The following RABGAP1L variants were observed in gnomAD, a reference collection of about 807,000 sequenced individuals.
RABGAP1L encodes rab GTPase-activating protein 1-like.
A neutral mutation model predicts 137.7 loss-of-function variants in RABGAP1L; 63 were observed. That is an observed-to-expected ratio of 0.46 (90% confidence interval 0.37 to 0.56). The LOEUF (loss-of-function observed/expected upper bound fraction) is 0.56, where lower values mean the gene tolerates loss of function less well. Among genes scored for constraint, RABGAP1L ranks in the 20% least tolerant of loss-of-function variants. The pLI, the probability that RABGAP1L is intolerant of heterozygous loss-of-function variation, is 0.00. For synonymous variants in RABGAP1L, 431 were observed against 433.7 expected (o/e 0.99, Z 0.08); for missense variants, 1,095 against 1,244.0 (o/e 0.88, Z 1.80).
At chr1:174,168,455 C>T (rs769563883) in intron 1 of RABGAP1L, among the ~76,000 whole-genome samples, 11 of 151,704 alleles carry the variant, frequency 7.3e-5, no homozygotes, top group Admixed American at 1.3e-4. Flanking sequence ...TTTATTATTG[C>T]TTTTTTCCAT....
intron 13 of RABGAP1L, among the ~76,000 whole-genome samples, chr1:174,413,455 A>G (rs1170089573): frequency 6.6e-6 from 1 of 151,952 alleles, no homozygotes; most frequent in African/African-American, 2.4e-5. Flanking sequence ...ATGAGTTTCC[A>G]TTTTAGTTGG....
chr1:174,881,607 C>T (rs1654230008), intron 19 of RABGAP1L, among the ~76,000 whole-genome samples: 1 of 140,858 alleles, frequency 7.1e-6, no homozygotes, highest in Non-Finnish European at 1.5e-5. Flanking sequence ...TCAAGCAATT[C>T]TTCTGCTTAA....
At chr1:174,369,965 A>G (rs1311734060) in intron 11 of RABGAP1L, among the ~76,000 whole-genome samples, 1 of 152,172 alleles carries the variant, frequency 6.6e-6, no homozygotes, top group East Asian at 1.9e-4. Flanking sequence ...CTGTGACCTA[A>G]TGTTTTAACC....
intron 13 of RABGAP1L, among the ~76,000 whole-genome samples, chr1:174,560,543 C>G (rs995385192): frequency 6.6e-6 from 1 of 152,178 alleles, no homozygotes; most frequent in Non-Finnish European, 1.5e-5. Flanking sequence ...GATGGAGAAC[C>G]ACTACTTTAT....
chr1:174,892,337 G>A, intron 19 of RABGAP1L: 2 of 350,264 alleles, frequency 5.7e-6, no homozygotes, highest in Non-Finnish European at 1.1e-5. Context: ...AAAGTCTAGT[G>A]GGAAGGAACC....
At chr1:174,939,797 T>C (rs1473523107) in intron 19 of RABGAP1L, among the ~76,000 whole-genome samples, 1 of 152,234 alleles carries the variant, frequency 6.6e-6, no homozygotes, top group Non-Finnish European at 1.5e-5. Context: ...TTTTTCCACT[T>C]ATCAGCTCTG....
intron 13 of RABGAP1L, among the ~76,000 whole-genome samples, chr1:174,559,193 T>C (rs888658173): frequency 6.6e-6 from 1 of 152,250 alleles, no homozygotes; most frequent in African/African-American, 2.4e-5. Flanking sequence ...AATATGTTTT[T>C]GAAATAGGTA....
chr1:174,237,013 C>G (rs1476906973), intron 4 of RABGAP1L, among the ~76,000 whole-genome samples: 1 of 119,670 alleles, frequency 8.4e-6, no homozygotes, highest in South Asian at 3.0e-4. Flanking sequence ...GATCCCTTTA[C>G]CATTATGTAA....
chr1:174,252,962 AAT>A (rs1672833698), intron 7 of RABGAP1L, among the ~76,000 whole-genome samples: 1 of 152,194 alleles, frequency 6.6e-6, no homozygotes, highest in Admixed American at 6.5e-5. Context: ...ATATTTTTAA[AAT>A]ATATAAATAC....
intron 13 of RABGAP1L, chr1:174,548,414 A>G (rs538782793): frequency 2.1e-6 from 2 of 972,060 alleles, no homozygotes; most frequent in East Asian, 8.9e-5. Flanking sequence ...ATAATGAAGA[A>G]ACTCTGAACT....
intron 18 of RABGAP1L, among the ~76,000 whole-genome samples, chr1:174,783,431 A>G (rs1313391472): frequency 1.3e-5 from 2 of 152,062 alleles, no homozygotes; most frequent in East Asian, 3.9e-4. Flanking sequence ...CTCTAAGAAC[A>G]AAGACCCACC....
At chr1:174,590,301 C>A (rs1468524937) in intron 13 of RABGAP1L, among the ~76,000 whole-genome samples, 1 of 148,058 alleles carries the variant, frequency 6.8e-6, no homozygotes, top group Admixed American at 6.7e-5. Flanking sequence ...TTTTTTAATA[C>A]CTCCTTTGTT....
At chr1:174,435,569 G>A (rs1368641603) in intron 13 of RABGAP1L, among the ~76,000 whole-genome samples, 1 of 152,042 alleles carries the variant, frequency 6.6e-6, no homozygotes, top group Non-Finnish European at 1.5e-5. Flanking sequence ...TTGAAATTCA[G>A]TTGACCATAT....
intron 13 of RABGAP1L, among the ~76,000 whole-genome samples, chr1:174,427,108 A>G (rs1571750214): frequency 6.6e-6 from 1 of 151,580 alleles, no homozygotes; most frequent in Non-Finnish European, 1.5e-5. Flanking sequence ...ATAAACCTCT[A>G]TGAAACCTCT....
At chr1:174,701,836 A>G (rs1441314558) in intron 16 of RABGAP1L, among the ~76,000 whole-genome samples, 1 of 152,164 alleles carries the variant, frequency 6.6e-6, no homozygotes, top group East Asian at 1.9e-4. Context: ...GCTCTGGTAG[A>G]ATGAGAATTT....
At chr1:174,267,733 T>G (rs889020336) in intron 7 of RABGAP1L, among the ~76,000 whole-genome samples, 3 of 152,204 alleles carry the variant, frequency 2.0e-5, no homozygotes, top group Admixed American at 2.0e-4. Flanking sequence ...TACTTTAATT[T>G]TTGTGCTTCA....
intron 1 of RABGAP1L, among the ~76,000 whole-genome samples, chr1:174,169,445 C>G (rs909075876): frequency 5.9e-5 from 9 of 152,128 alleles, no homozygotes; most frequent in Admixed American, 4.6e-4. Flanking sequence ...TGGTCTCAAA[C>G]TCCTGAACTC....
chr1:174,248,133 A>G (rs561816454), intron 5 of RABGAP1L, among the ~76,000 whole-genome samples: 2 of 152,260 alleles, frequency 1.3e-5, no homozygotes, highest in South Asian at 4.1e-4. Context: ...TTTCCTCTAT[A>G]AACACTTGAA....
chr1:174,646,679 G>T (rs1004504108), intron 14 of RABGAP1L, among the ~76,000 whole-genome samples: 2 of 152,140 alleles, frequency 1.3e-5, no homozygotes, highest in African/African-American at 4.8e-5. Context: ...GCTTAGGATT[G>T]TCTTGGCTAT....
Sources: gnomAD v4.1 joint callset for allele counts (sites outside exome capture counted in the v4.1 genomes callset) on GRCh38, gnomAD v4.1.1 for gene constraint, MANE v1.5 for transcripts, NCBI Gene and HGNC (gene_info 2026-07-23, HGNC 2026-07-21) for gene names.